Variants in RNF207 observed in about 807,000 individuals in gnomAD.
The protein encoded by RNF207 is OTTHUMG00000001089.
Under a neutral mutation model 79.0 loss-of-function variants are expected in RNF207, and 72 were observed. The ratio of observed to expected loss-of-function variants is 0.91; its 90% CI spans 0.75 to 1.11. The LOEUF is 1.11. Among genes scored for constraint, RNF207 ranks in the 50% least tolerant of loss-of-function variants. The probability of loss-of-function intolerance (pLI) is 0.00; values close to 1 mark genes in which losing one functional copy is unlikely to be tolerated. For missense variants in RNF207, 936 were observed against 855.8 expected (o/e 1.09, Z -1.17); for synonymous variants, 348 against 366.2 (o/e 0.95, Z 0.57).
chr1:6,209,497 C>A lies in RNF207; in HGVS notation c.711C>A (p.Ala237=), dbSNP rs769463621. Reference sequence around the variant, plus strand: ...TGGAGGAGGTGCGGCACAGCGCCGCCGAGGAGGAGGACGCTATCCACGCCC... The same window carrying A: ...TGGAGGAGGTGCGGCACAGCGCCGCAGAGGAGGAGGACGCTATCCACGCCC... The part of the protein sequence containing the change: ...AMVEEVRHSA[A]EEEDAIHALF... Residue 237 remains alanine, a synonymous_variant, in exon 7 of 18, where the codon GCC becomes GCA. Coordinates refer to ENST00000377939, the MANE Select transcript of RNF207 (RefSeq NM_207396.3). 1.4e-6 allele frequency: 2 copies of A among 1,476,206 alleles called. No individual in the cohort carries two copies. The highest frequency in any genetic ancestry group is 1.8e-6 in the Non-Finnish European group (2 of 1,122,184). The allele number at this position is 1,476,206 out of a possible 1,614,324, so 91.4% of individuals were successfully genotyped here. A position where few individuals can be genotyped will look rare whatever the true frequency, so the allele number is the denominator to read the frequency against.
At position 6,212,152 on chromosome 1, in the gene RNF207, G is replaced by T. The variant is rs528584029; in HGVS notation, c.1297-79G>T. On this transcript the variant is annotated intron_variant, in intron 13 of 17. Transcript: ENST00000377939. ...CGAGTTCTCCCAGCTGCTGAAGCTG[G>T]GAGCCATTCCTCCACCAAGTCCATG... is the stretch of plus-strand genomic sequence containing the variant. The T allele has an allele frequency of 7.6e-5, 117 of 1,547,218 alleles. 1 individual carries two copies. In the South Asian group the frequency reaches 1.1e-3, roughly 15 times the overall value.
chr1:6,207,310 T>G lies in RNF207; in HGVS notation c.192-69T>G. The G allele has an allele frequency of 1.4e-6, 2 of 1,450,036 alleles. No individual in the cohort carries two copies. Among genetic ancestry groups the G allele is most frequent in the Non-Finnish European group, 9.2e-7 (1 of 1,082,842 alleles). The allele number at this position is 1,450,036 out of a possible 1,614,324, so 89.8% of individuals were successfully genotyped here. A position where few individuals can be genotyped will look rare whatever the true frequency, so the allele number is the denominator to read the frequency against. On this transcript the variant is annotated intron_variant, in intron 2 of 17. Coordinates refer to ENST00000377939, the MANE Select transcript of RNF207 (RefSeq NM_207396.3). This position sits in a 1 kb window ranked among gnomAD's most constrained non-coding sequence, Gnocchi z 4.5. ...AGCTATTTTTAGCTCCAGCCTGGAA[T>G]GTGAGGGGTGGGGGTGGGGAGCCCT... is the stretch of plus-strand genomic sequence containing the variant.
chr1:6,207,010 G>T lies in RNF207; in HGVS notation c.191+284G>T, dbSNP rs1473624170. On this transcript the variant is annotated intron_variant, in intron 2 of 17. Coordinates refer to ENST00000377939, the MANE Select transcript of RNF207 (RefSeq NM_207396.3). This position sits in a 1 kb window ranked among gnomAD's most constrained non-coding sequence, Gnocchi z 4.5. Reference sequence around the variant, plus strand: ...GCGGGGCTCCAGCACTGGTCAGGACGCTCCCGGTTACTCGCTTGGGGGTCC... The same window carrying T: ...GCGGGGCTCCAGCACTGGTCAGGACTCTCCCGGTTACTCGCTTGGGGGTCC... Among the ~76,000 whole-genome samples the T allele has an allele frequency of 6.6e-6, 1 of 151,756 alleles. No individual in the cohort carries two copies. Among genetic ancestry groups the T allele is most frequent in the Admixed American group, 6.6e-5 (1 of 15,208 alleles).
In RNF207 at chr1:6,209,286, C is replaced by CGT; in HGVS notation, c.572_573dup (p.Asp192TrpfsTer21). 6.5e-7 allele frequency: 1 copy of CGT among 1,548,776 alleles called. No homozygotes were observed. The highest frequency in any genetic ancestry group is 8.7e-7 in the Non-Finnish European group (1 of 1,146,676). ...TCTGCAGGGAGAGCCGGGCACACTG[C>CGT]GTGGACCTGGAATCGGCTTACGTGC... On this transcript the variant is annotated frameshift_variant, in exon 6 of 18. Transcript: ENST00000377939. LOFTEE classifies it high-confidence loss of function.
rs1237751448 is a variant in RNF207, at chr1:6,209,973, G to A, written c.800+3G>A. On this transcript the variant is annotated splice_donor_region_variant and intron_variant, in intron 8 of 17. Coordinates refer to ENST00000377939, the MANE Select transcript of RNF207 (RefSeq NM_207396.3). ...CTGCTGCTGCAGGCTGTGCAGAGGTGAGTTGGGGGGAGCGGGGCTTGCTTC... is the reference window on the plus strand; with the variant it reads ...CTGCTGCTGCAGGCTGTGCAGAGGTAAGTTGGGGGGAGCGGGGCTTGCTTC... 6.3e-7 allele frequency: 1 copy of A among 1,583,622 alleles called. No homozygotes were observed. Among genetic ancestry groups the A allele is most frequent in the South Asian group, 1.1e-5 (1 of 87,214 alleles).
At chr1:6,210,638 G>A in intron 10 of RNF207, 200 bp downstream of exon 10, 1 of 627,498 alleles carries the variant, frequency 1.6e-6, no homozygotes. Flanking sequence ...AAGGGGGCAT[G>A]AGCCTACAGT....
At chr1:6,208,844 G>C (rs1183308467) in intron 3 of RNF207, 37 bp from the exon 4 acceptor site, 2 of 1,501,652 alleles carry the variant, frequency 1.3e-6, no homozygotes, top group East Asian at 2.6e-5. Flanking sequence ...GGCCGCGGTC[G>C]GGCTCTGGCG....
chr1:6,210,563 C>A (rs772657862), intron 10 of RNF207, 125 bp downstream of exon 10: 27 of 716,874 alleles, frequency 3.8e-5, no homozygotes, highest in Non-Finnish European at 6.3e-5. Context: ...TCGGGGCTGA[C>A]CCCCTCCCAA....
chr1:6,208,206 C>G (rs1363830953), intron 3 of RNF207: 1 of 151,524 alleles, frequency 6.6e-6, no homozygotes, highest in Non-Finnish European at 1.4e-5. Flanking sequence ...TCCCCTCCCC[C>G]CGCCCCCAAG....
chr1:6,213,828 G>A (rs1285384979), intron 16 of RNF207, among the ~76,000 whole-genome samples: 1 of 152,202 alleles, frequency 6.6e-6, no homozygotes, highest in Non-Finnish European at 1.5e-5. Flanking sequence ...TCAGCACTGT[G>A]CTCAGGTTCC....
Position 6,206,691 on chromosome 1 carries a change from C to T in RNF207, c.156C>T (p.Arg52=), listed in dbSNP as rs774992777. The T allele has an allele frequency of 6.2e-7, 1 of 1,603,442 alleles. No homozygotes were observed. The highest frequency in any genetic ancestry group is 1.3e-5 in the African/African-American group (1 of 75,048). ...HDFCAGCLRG[R]ATDGRLTCPL... is the part of the protein sequence containing the mutation. ...TCTGTGCCGGCTGCCTGCGTGGCCG[C>T]GCGACCGACGGCCGCCTCACCTGCC... The change falls in exon 2 of 18, where the codon CGC becomes CGT. Residue 52 remains arginine, a synonymous_variant. Transcript: ENST00000377939.
At chr1:6,210,693 C>T in intron 10 of RNF207, 177 bp from the exon 11 acceptor site, 2 of 679,562 alleles carry the variant, frequency 2.9e-6, no homozygotes, top group Admixed American at 4.5e-5. Flanking sequence ...CGCCCCCTCT[C>T]CTGTGGATTT....
rs987678655 is a variant in RNF207, at chr1:6,209,200, C to A, written c.551+4C>A. 1.3e-6 allele frequency: 2 copies of A among 1,552,768 alleles called. No individual in the cohort carries two copies. The highest frequency in any genetic ancestry group is 1.9e-5 in the Admixed American group (1 of 51,406). ...GCTGCTTCCGCGACATGCAGAAGTG[C>A]GTACAGGGGACGCGAGGGGAGGGGG... On this transcript the variant is annotated splice_donor_region_variant and intron_variant, in intron 5 of 17. Transcript: ENST00000377939.
Position 6,207,279 on chromosome 1 carries a change from C to T in RNF207, c.192-100C>T, listed in dbSNP as rs142736585. 1,338 of 1,284,688 alleles carry T rather than the reference C, an allele frequency of 1.0e-3. 15 individuals are homozygous for T. In the East Asian group the frequency reaches 0.011, roughly 11 times the overall value. The allele number at this position is 1,284,688 out of a possible 1,614,324, so 79.6% of individuals were successfully genotyped here. ...CAGAGCTGTGGTGCACCCCACCTCC[C>T]AACACAGCTATTTTTAGCTCCAGCC... On this transcript the variant is annotated intron_variant, in intron 2 of 17. Transcript: ENST00000377939. This position sits in a 1 kb window ranked among gnomAD's most constrained non-coding sequence, Gnocchi z 4.5.
At chr1:6,208,672 C>A in intron 3 of RNF207, 1 of 554,042 alleles carries the variant, frequency 1.8e-6, no homozygotes, top group African/African-American at 2.0e-5. Flanking sequence ...CCTCCACGGA[C>A]CTACTTACCC....
intron 16 of RNF207, among the ~76,000 whole-genome samples, chr1:6,213,676 GT>G (rs1668263222): frequency 6.6e-6 from 1 of 152,182 alleles, no homozygotes; most frequent in Non-Finnish European, 1.5e-5. Flanking sequence ...ACCCTCAGGA[GT>G]AGGTCAAAGC....
chr1:6,212,271 A>T lies in RNF207; in HGVS notation c.1337A>T (p.Gln446Leu). 7 of 1,613,182 alleles carry T rather than the reference A, an allele frequency of 4.3e-6. No homozygotes were observed. The highest frequency in any genetic ancestry group is 5.9e-6 in the Non-Finnish European group (7 of 1,179,714). Residue 446 changes from glutamine to leucine, a missense_variant, in exon 14 of 18, where the codon CAG becomes CTG. Physicochemically the swap from Gln to Leu is moderately radical, Grantham distance 113 (BLOSUM62 -2). Transcript: ENST00000377939. ...ATGCAGAGCCTAAAGGACCAGGTACAGGAGCTGCACCGAGACCTCACCAAG... is the reference window on the plus strand; with the variant it reads ...ATGCAGAGCCTAAAGGACCAGGTACTGGAGCTGCACCGAGACCTCACCAAG... ...AEMQSLKDQV[Q>L]ELHRDLTKHH...
Position 6,208,683 on chromosome 1 carries a change from A to T in RNF207, c.325-198A>T. On this transcript the variant is annotated intron_variant, in intron 3 of 17. Coordinates refer to ENST00000377939, the MANE Select transcript of RNF207 (RefSeq NM_207396.3). ...CCCCCCTCCACGGACCTACTTACCC[A>T]GCCTCTGAGCCGCAGTGCCCTCCTC... The T allele has an allele frequency of 5.7e-6, 3 of 525,210 alleles. No individual in the cohort carries two copies. The East Asian group carries it at 1.1e-4, about 19-fold the overall frequency. The allele number at this position is 525,210 out of a possible 1,614,324, so 32.5% of individuals were successfully genotyped here. A position where few individuals can be genotyped will look rare whatever the true frequency, so the allele number is the denominator to read the frequency against.
Position 6,208,992 on chromosome 1 carries a change from G to T in RNF207, c.436G>T (p.Gly146Cys), listed in dbSNP as rs1160509706. The change falls in exon 4 of 18, where the codon GGT becomes TGT. Residue 146 changes from glycine (G) to cysteine (C), a missense_variant. Coordinates refer to ENST00000377939, the MANE Select transcript of RNF207 (RefSeq NM_207396.3). ...MFARHDIVAL[G>C]QRSRDVPQKC... ...CGCGCGCCACGACATCGTGGCCCTG[G>T]GTCAGCGAAGCCGCGACGTGCCCCA... 6.5e-7 allele frequency: 1 copy of T among 1,538,922 alleles called. No individual in the cohort carries two copies. Among genetic ancestry groups the T allele is most frequent in the South Asian group, 1.2e-5 (1 of 83,992 alleles).
Sources: allele counts gnomAD v4.1 joint callset (sites outside exome capture counted in the v4.1 genomes callset), GRCh38; gene constraint gnomAD v4.1.1; non-coding constraint Gnocchi (gnomAD v3.1); transcripts MANE v1.5; gene names NCBI Gene and HGNC (gene_info 2026-07-23, HGNC 2026-07-21).